Variants in SLC5A11 observed in about 807,000 individuals in gnomAD.
SLC5A11 encodes the protein solute carrier family 5 member 11.
SLC5A11 carries 48 observed loss-of-function variants against 69.8 expected under a neutral mutation model. The ratio of observed to expected loss-of-function variants is 0.69; its 90% CI spans 0.55 to 0.87. The LOEUF (loss-of-function observed/expected upper bound fraction) is 0.87, where lower values mean the gene tolerates loss of function less well. Among genes scored for constraint, SLC5A11 ranks in the 40% least tolerant of loss-of-function variants. The probability of loss-of-function intolerance (pLI) is 0.00; values close to 1 mark genes in which losing one functional copy is unlikely to be tolerated. For missense variants in SLC5A11, 784 were observed against 866.1 expected, an observed-to-expected ratio of 0.91 and a Z score of 1.19; for synonymous variants, 319 against 342.4, an observed-to-expected ratio of 0.93 and a Z score of 0.75.
intron 10 of SLC5A11, among the ~76,000 whole-genome samples, chr16:24,906,264 C>T (rs2050050310): frequency 6.6e-6 from 1 of 151,162 alleles, no homozygotes; most frequent in Admixed American, 6.6e-5. Context: ...TCACTTGAAC[C>T]TGGGAAGCAG....
chr16:24,896,004 G>A (rs952923167), intron 9 of SLC5A11, among the ~76,000 whole-genome samples: 1 of 151,878 alleles, frequency 6.6e-6, no homozygotes, highest in Non-Finnish European at 1.5e-5. Context: ...TGATGATTTA[G>A]TGAGGACTCA....
intron 6 of SLC5A11, among the ~76,000 whole-genome samples, chr16:24,876,801 T>A (rs1171205272): frequency 1.3e-5 from 2 of 152,100 alleles, no homozygotes; most frequent in Non-Finnish European, 2.9e-5. Flanking sequence ...ACAAGTGAAA[T>A]CTGGGAGGCC....
At chr16:24,880,010 G>A (rs2047935341) in intron 7 of SLC5A11, among the ~76,000 whole-genome samples, 1 of 152,174 alleles carries the variant, frequency 6.6e-6, no homozygotes. Context: ...TTGGTAGGAT[G>A]ACTTATTTTC....
chr16:24,902,033 G>C (rs2049666443), intron 10 of SLC5A11, among the ~76,000 whole-genome samples: 1 of 151,962 alleles, frequency 6.6e-6, no homozygotes, highest in African/African-American at 2.4e-5. Context: ...AATCACTTGA[G>C]CCTGGGAGGT....
chr16:24,910,557 C>T (rs564415403), intron 15 of SLC5A11, 80 bp downstream of exon 16: 259 of 1,439,534 alleles, frequency 1.8e-4, no homozygotes, highest in Non-Finnish European at 1.9e-4. Context: ...CCTATCAAAT[C>T]ACAAGCCAGG....
intron 15 of SLC5A11, 132 bp downstream of exon 16, chr16:24,910,609 T>A: frequency 1.0e-6 from 1 of 994,608 alleles, no homozygotes; most frequent in Admixed American, 2.7e-5. Context: ...CTGGCTCCAG[T>A]GTCTGATCTG....
chr16:24,888,783 C>CTTTTTTTTTT (rs1169015317), intron 8 of SLC5A11, among the ~76,000 whole-genome samples: 1 of 45,740 alleles, frequency 2.2e-5, no homozygotes. Flanking sequence ...CGTGCCTGTC[C>CTTTTTTTTTT]TTTTTTTTTT....
At position 24,870,007 on chromosome 16, in the gene SLC5A11, T is replaced by C. The variant is rs1001818742; in HGVS notation, c.312+2T>C. ...TCTGTATCAGCTTATGAACTTAATG[T>C]AAGTATTTTACCTAGGGCATAGATG... On this transcript the variant is annotated splice_donor_variant, in intron 4 of 15. Coordinates refer to ENST00000347898, the Ensembl canonical transcript of SLC5A11. LOFTEE classifies it high-confidence loss of function. The C allele has an allele frequency of 6.2e-7, 1 of 1,604,518 alleles. No individual in the cohort carries two copies. The highest frequency in any genetic ancestry group is 8.5e-7 in the Non-Finnish European group (1 of 1,171,270).
chr16:24,873,657 C>T (rs540380805), intron 5 of SLC5A11, among the ~76,000 whole-genome samples: 7 of 151,288 alleles, frequency 4.6e-5, no homozygotes, highest in South Asian at 4.2e-4. Context: ...AGCGAGACCC[C>T]GTCTCTAAAA....
chr16:24,881,633 C>T (rs577046109), intron 7 of SLC5A11, among the ~76,000 whole-genome samples: 7 of 152,198 alleles, frequency 4.6e-5, no homozygotes, highest in South Asian at 4.1e-4. Flanking sequence ...AGCATTTTTT[C>T]GTATCTCAAC....
chr16:24,882,934 T>C (rs7187878), intron 7 of SLC5A11, among the ~76,000 whole-genome samples: 65,773 of 152,102 alleles, frequency 0.43, 14,768 homozygotes, highest in African/African-American at 0.55. Context: ...GCATGAGCCA[T>C]CTTTCCCAGC....
intron 10 of SLC5A11, among the ~76,000 whole-genome samples, chr16:24,904,996 G>T (rs756260366): frequency 2.0e-5 from 3 of 151,664 alleles, no homozygotes; most frequent in Non-Finnish European, 4.4e-5. Context: ...GTGTCCATGT[G>T]TTCTTATTGT....
chr16:24,878,567 C>G (rs1441146403), intron 7 of SLC5A11, among the ~76,000 whole-genome samples: 1 of 152,062 alleles, frequency 6.6e-6, no homozygotes, highest in Non-Finnish European at 1.5e-5. Context: ...ATATTATGTA[C>G]CTTGTATCTA....
Position 24,870,022 on chromosome 16 carries a change from G to A in SLC5A11, c.312+17G>A, listed in dbSNP as rs1389780837. 1.3e-6 allele frequency: 2 copies of A among 1,546,214 alleles called. No homozygotes were observed. Among genetic ancestry groups the A allele is most frequent in the East Asian group, 4.5e-5 (2 of 44,550 alleles). On this transcript the variant is annotated intron_variant, in intron 4 of 15. Coordinates refer to ENST00000347898, the Ensembl canonical transcript of SLC5A11. ...GAACTTAATGTAAGTATTTTACCTA[G>A]GGCATAGATGACATCTTACCTCTAC... is the stretch of plus-strand genomic sequence containing the variant.
chr16:24,875,535 G>C, intron 5 of SLC5A11, 92 bp from the exon 7 acceptor site: 1 of 954,870 alleles, frequency 1.0e-6, no homozygotes, highest in Non-Finnish European at 1.6e-6. Flanking sequence ...TCTGAGTTGC[G>C]GGGGCAGGAG....
chr16:24,893,040 G>A (rs987812528), intron 9 of SLC5A11, among the ~76,000 whole-genome samples: 1 of 151,136 alleles, frequency 6.6e-6, no homozygotes. Context: ...AGAGGTCAAG[G>A]CGGGTGGATC....
intron 8 of SLC5A11, among the ~76,000 whole-genome samples, chr16:24,887,651 C>A (rs274068): frequency 0.74 from 112,277 of 151,984 alleles, 41,555 homozygotes; most frequent in Admixed American, 0.78. Flanking sequence ...AATACAAGTA[C>A]ATGGAATAAA....
intron 9 of SLC5A11, 112 bp downstream of exon 10, chr16:24,891,186 T>G: frequency 2.0e-6 from 2 of 1,012,402 alleles, no homozygotes; most frequent in East Asian, 4.9e-5. Context: ...GCGTTTTCCC[T>G]GCTTCCTTGA....
rs764224240 is a variant in SLC5A11, at chr16:24,907,916, T to A, written c.1266-47T>A. 49 of 1,246,504 alleles carry A rather than the reference T, an allele frequency of 3.9e-5. No individual in the cohort carries two copies. In the Admixed American group the frequency reaches 1.1e-3, roughly 27 times the overall value. 77.2% of individuals were successfully genotyped at this position (1,246,504 alleles called of 1,614,324 possible). On this transcript the variant is annotated intron_variant, in intron 12 of 15. Coordinates refer to ENST00000347898, the Ensembl canonical transcript of SLC5A11. Reference sequence around the variant, plus strand: ...AGAGACAGAGAGAGGGAAAGAGGAGTAAATGTTCAGATGATGCTAATTTGT... The same window carrying A: ...AGAGACAGAGAGAGGGAAAGAGGAGAAAATGTTCAGATGATGCTAATTTGT...
Sources: allele counts gnomAD v4.1 joint callset (sites outside exome capture counted in the v4.1 genomes callset), GRCh38; gene constraint gnomAD v4.1.1; transcripts MANE v1.5; gene names NCBI Gene and HGNC (gene_info 2026-07-23, HGNC 2026-07-21).